HYDIN: variants seen among roughly 807,000 people sequenced by gnomAD.
HYDIN encodes HYDIN axonemal central pair apparatus protein.
A neutral mutation model predicts 403.9 loss-of-function variants in HYDIN; 132 were observed. That is an observed-to-expected ratio of 0.33 (90% confidence interval 0.28 to 0.38). The LOEUF (loss-of-function observed/expected upper bound fraction) is 0.38, where lower values mean the gene tolerates loss of function less well. Among genes scored for constraint, HYDIN ranks in the 10% least tolerant of loss-of-function variants. The pLI is 1.00. For synonymous variants in HYDIN, 1,202 were observed against 1,891.7 expected, an observed-to-expected ratio of 0.64 and a Z score of 9.46; for missense variants, 2,827 against 5,009.5, an observed-to-expected ratio of 0.56 and a Z score of 13.15.
At chr16:70,966,656 T>C (rs2078584476) in intron 36 of HYDIN, among the ~76,000 whole-genome samples, 1 of 150,972 alleles carries the variant, frequency 6.6e-6, no homozygotes. Flanking sequence ...TGGAGCAACA[T>C]ATTTAAAATA....
chr16:71,199,048 G>A (rs1292512175), intron 1 of HYDIN, among the ~76,000 whole-genome samples: 2 of 152,164 alleles, frequency 1.3e-5, no homozygotes, highest in Non-Finnish European at 2.9e-5. Flanking sequence ...ATAGCTCATT[G>A]TGGTTTTAAT....
intron 8 of HYDIN, among the ~76,000 whole-genome samples, chr16:71,134,835 G>A (rs894691822): frequency 6.6e-6 from 1 of 152,104 alleles, no homozygotes; most frequent in Admixed American, 6.5e-5. Context: ...GGGCTGTATC[G>A]AGGAACAATG....
chr16:71,032,504 A>G (rs2080951938), intron 18 of HYDIN, among the ~76,000 whole-genome samples: 1 of 147,768 alleles, frequency 6.8e-6, no homozygotes, highest in African/African-American at 2.5e-5. Flanking sequence ...TCTGAAATAC[A>G]GACATGTGTT....
intron 73 of HYDIN, 23 bp from the exon 74 acceptor site, chr16:70,850,678 G>C: frequency 6.3e-7 from 1 of 1,592,634 alleles, no homozygotes; most frequent in South Asian, 1.1e-5. Flanking sequence ...CAAAACAGCA[G>C]ATTACCTGAC....
chr16:70,882,890 C>T lies in HYDIN; in HGVS notation c.9985G>A (p.Val3329Met), dbSNP rs764434157. 15 of 1,584,902 alleles carry T rather than the reference C, an allele frequency of 9.5e-6. No individual in the cohort carries two copies. The highest frequency in any genetic ancestry group is 2.7e-5 in the African/African-American group (2 of 74,318). Residue 3329 changes from valine (V) to methionine (M), a missense_variant, in exon 60 of 86, where the codon GTG becomes ATG. By Grantham distance (21) the Val-to-Met change is conservative. Coordinates refer to ENST00000393567, the MANE Select transcript of HYDIN (RefSeq NM_001270974.2). ...AATATCAAGGCATTGTTTTCGGTCACGAAGGCTGGGGAGTGAAGGGGAGAC... is the reference window on the plus strand; with the variant it reads ...AATATCAAGGCATTGTTTTCGGTCATGAAGGCTGGGGAGTGAAGGGGAGAC... ...LLAEACLPAFVTENNALIFEE... is the reference protein window; with the variant it reads ...LLAEACLPAFMTENNALIFEE...
At chr16:71,188,561 A>C (rs1155054) in intron 1 of HYDIN, among the ~76,000 whole-genome samples, 52,905 of 152,024 alleles carry the variant, frequency 0.35, 9,652 homozygotes, top group East Asian at 0.57. Context: ...ATAATTCAAA[A>C]TGATGATGTA....
intron 55 of HYDIN, chr16:70,893,574 G>A (rs1338202993): frequency 1.3e-5 from 2 of 151,586 alleles, no homozygotes; most frequent in Non-Finnish European, 2.9e-5. Flanking sequence ...CTGGAGTGCA[G>A]TGGCACGATC....
intron 75 of HYDIN, 142 bp from the exon 76 acceptor site, chr16:70,840,375 G>A (rs2037735328): frequency 1.7e-6 from 1 of 589,842 alleles, no homozygotes; most frequent in Non-Finnish European, 3.0e-6. Flanking sequence ...TTCCAATTCA[G>A]TAGGTTAGAA....
chr16:70,900,608 G>GTGGA (rs1228630766), intron 53 of HYDIN, among the ~76,000 whole-genome samples: 1 of 146,628 alleles, frequency 6.8e-6, no homozygotes, highest in Non-Finnish European at 1.5e-5. Flanking sequence ...GAGCAACAGG[G>GTGGA]TGGAGGGTGA....
intron 21 of HYDIN, among the ~76,000 whole-genome samples, chr16:71,023,106 T>A (rs1367006244): frequency 7.2e-5 from 11 of 152,234 alleles, no homozygotes; most frequent in Non-Finnish European, 1.5e-4. Flanking sequence ...CCAACTTCAG[T>A]GCAGCTGTTG....
At chr16:71,059,774 C>T (rs1390576921) in intron 18 of HYDIN, among the ~76,000 whole-genome samples, 1 of 152,126 alleles carries the variant, frequency 6.6e-6, no homozygotes, top group Non-Finnish European at 1.5e-5. Flanking sequence ...CCTCCTGAAA[C>T]TAAAATAAAA....
At chr16:70,978,255 G>C (rs1311100452) in intron 30 of HYDIN, among the ~76,000 whole-genome samples, 10 of 150,678 alleles carry the variant, frequency 6.6e-5, no homozygotes, top group Non-Finnish European at 1.2e-4. Flanking sequence ...CAATCCCTAA[G>C]TCTTGACCAT....
At chr16:71,041,697 T>C (rs2081292484) in intron 18 of HYDIN, among the ~76,000 whole-genome samples, 1 of 152,096 alleles carries the variant, frequency 6.6e-6, no homozygotes, top group African/African-American at 2.4e-5. Context: ...ACAACAAAAA[T>C]TTAATAGTGG....
At chr16:70,965,864 G>A (rs906638966) in intron 36 of HYDIN, among the ~76,000 whole-genome samples, 1 of 152,092 alleles carries the variant, frequency 6.6e-6, no homozygotes, top group Non-Finnish European at 1.5e-5. Flanking sequence ...CAGATGACAA[G>A]CCTTATCAGG....
chr16:70,906,519 A>AG (rs1248375935), intron 50 of HYDIN, among the ~76,000 whole-genome samples: 15 of 152,100 alleles, frequency 9.9e-5, no homozygotes, highest in Admixed American at 2.6e-4. Flanking sequence ...TGTTGTCTCA[A>AG]GGAGCTATGC....
intron 29 of HYDIN, among the ~76,000 whole-genome samples, chr16:70,980,761 C>T (rs2079022526): frequency 1.3e-5 from 2 of 151,944 alleles, no homozygotes; most frequent in South Asian, 4.1e-4. Flanking sequence ...ATCCATCGTC[C>T]TGTACCTGAC....
At chr16:71,051,473 C>T (rs1245028356) in intron 18 of HYDIN, among the ~76,000 whole-genome samples, 2 of 151,604 alleles carry the variant, frequency 1.3e-5, no homozygotes, top group African/African-American at 2.4e-5. Context: ...GGTGAGACCC[C>T]GTCTCTACTA....
chr16:71,000,242 C>A (rs1166067639), intron 23 of HYDIN, among the ~76,000 whole-genome samples: 1 of 151,784 alleles, frequency 6.6e-6, no homozygotes, highest in Non-Finnish European at 1.5e-5. Context: ...TCATTAGAAG[C>A]TGGCTTAGCT....
At chr16:70,858,995 G>A (rs1439194091) in intron 71 of HYDIN, among the ~76,000 whole-genome samples, 2 of 151,758 alleles carry the variant, frequency 1.3e-5, no homozygotes, top group Non-Finnish European at 2.9e-5. Flanking sequence ...GTAAAATAGG[G>A]CTTCACATAG....
Sources: allele counts gnomAD v4.1 joint callset (sites outside exome capture counted in the v4.1 genomes callset), GRCh38; gene constraint gnomAD v4.1.1; transcripts MANE v1.5; gene names NCBI Gene and HGNC (gene_info 2026-07-23, HGNC 2026-07-21).